Variants in ZNF615 observed in about 807,000 individuals in gnomAD.
The protein encoded by ZNF615 is zinc finger protein 615.
In ZNF615, 15 loss-of-function variants were observed where a neutral mutation model predicts 15.3. That is an observed-to-expected ratio of 0.98 (90% CI 0.66 to 1.51). The LOEUF is 1.51. Among genes scored for constraint, ZNF615 ranks in the 40% most tolerant of loss-of-function variants. ZNF615 has a pLI of 0.00. For missense variants in ZNF615, 848 were observed against 895.9 expected (o/e 0.95, Z 0.68); for synonymous variants, 268 against 294.6 (o/e 0.91, Z 0.92).
At position 51,991,667 on chromosome 19, in the gene ZNF615, A is replaced by T. The variant is rs1157771368; in HGVS notation, c.*1213T>A. Reference sequence around the variant, plus strand: ...TGACTATAAACAAGGAGCATGAGGGAGTTTGCATTGATGCAACATTCTGAA... The same window carrying T: ...TGACTATAAACAAGGAGCATGAGGGTGTTTGCATTGATGCAACATTCTGAA... On this transcript the variant is annotated 3_prime_UTR_variant, in exon 7 of 7. Transcript: ENST00000598071. 6.6e-6 allele frequency: 1 copy of T among 152,250 alleles called. No individual in the cohort carries two copies. Among genetic ancestry groups the T allele is most frequent in the African/African-American group, 2.4e-5 (1 of 41,456 alleles). The allele number at this position is 152,250 out of a possible 1,614,324, so 9.4% of individuals were successfully genotyped here. A position where few individuals can be genotyped will look rare whatever the true frequency, so the allele number is the denominator to read the frequency against.
intron 6 of ZNF615, among the ~76,000 whole-genome samples, chr19:51,996,401 A>AAAAAAAAAAAAAAAAAAAAAAAAAAAG (rs2086435661): frequency 6.7e-6 from 1 of 148,492 alleles, no homozygotes; most frequent in Non-Finnish European, 1.5e-5. Flanking sequence ...AAAAAAAAAA[A>AAAAAAAAAAAAAAAAAAAAAAAAAAAG]AAAAAAACGC....
At chr19:52,001,616 CAAAAA>C (rs200193378) in intron 5 of ZNF615, among the ~76,000 whole-genome samples, 192 bp downstream of exon 5, 1 of 105,370 alleles carries the variant, frequency 9.5e-6, no homozygotes, top group Non-Finnish European at 2.2e-5. Context: ...GACTCCATCT[CAAAAA>C]AAAAAAAAAA....
At chr19:51,996,395 A>AAAAAAAAAAAAACAAAC (rs2086433686) in intron 6 of ZNF615, among the ~76,000 whole-genome samples, 1 of 146,398 alleles carries the variant, frequency 6.8e-6, no homozygotes, top group Non-Finnish European at 1.5e-5. Context: ...CAAAAAAAAA[A>AAAAAAAAAAAAACAAAC]AAAAAAAAAA....
chr19:51,993,279 A>G lies in ZNF615; in HGVS notation c.1830T>C (p.Asn610=). The change falls in exon 7 of 7, where the codon AAT becomes AAC. Residue 610 remains asparagine, a synonymous_variant. Transcript: ENST00000598071. ...TCATGGTGAAGCCCTTTCCACATTC[A>G]TTGCATATATAAGGTTTCTCCCCAG... The part of the protein sequence containing the change: ...THTGEKPYIC[N]ECGKGFTMKS... The G allele has an allele frequency of 6.2e-7, 1 of 1,614,060 alleles. No individual in the cohort carries two copies. Among genetic ancestry groups the G allele is most frequent in the Non-Finnish European group, 8.5e-7 (1 of 1,179,996 alleles).
intron 5 of ZNF615, 60 bp downstream of exon 5, chr19:52,001,753 G>A (rs1044619603): frequency 7.0e-7 from 1 of 1,435,244 alleles, no homozygotes; most frequent in African/African-American, 1.4e-5. Context: ...TTTGACGCCT[G>A]CTCTGTGTGG....
intron 5 of ZNF615, among the ~76,000 whole-genome samples, chr19:52,001,368 T>C (rs899617703): frequency 2.6e-5 from 4 of 151,824 alleles, no homozygotes; most frequent in Admixed American, 6.6e-5. Flanking sequence ...GCCTGTAATC[T>C]CAGCACTTTG....
intron 5 of ZNF615, among the ~76,000 whole-genome samples, chr19:52,001,429 C>T (rs527835030): frequency 6.6e-6 from 1 of 151,990 alleles, no homozygotes; most frequent in South Asian, 2.1e-4. Context: ...ACCATCCTGG[C>T]CAATATGGTG....
chr19:51,993,122 A>C lies in ZNF615; in HGVS notation c.1987T>G (p.Phe663Val), dbSNP rs772255236. ...HQRFHTGKTS[F>V]ACTECGKFSL... Reference sequence around the variant, plus strand: ...AATTTTCCACATTCAGTACATGCAAAGGAAGTCTTTCCTGTGTGAAATCGC... The same window carrying C: ...AATTTTCCACATTCAGTACATGCAACGGAAGTCTTTCCTGTGTGAAATCGC... Residue 663 changes from phenylalanine (F) to valine (V), a missense_variant, in exon 7 of 7, where the codon TTT becomes GTT. Coordinates refer to ENST00000598071, the MANE Select transcript of ZNF615 (RefSeq NM_001199324.2). The C allele has an allele frequency of 6.2e-7, 1 of 1,614,232 alleles. No homozygotes were observed. Among genetic ancestry groups the C allele is most frequent in the Non-Finnish European group, 8.5e-7 (1 of 1,180,034 alleles).
chr19:52,006,403 G>A (rs1355965741), intron 2 of ZNF615, among the ~76,000 whole-genome samples: 1 of 152,158 alleles, frequency 6.6e-6, no homozygotes, highest in Non-Finnish European at 1.5e-5. Context: ...AGCGACACAA[G>A]TTATGCCAAT....
chr19:52,002,390 T>A (rs2086625611), intron 3 of ZNF615, 109 bp from the exon 4 acceptor site: 2 of 1,413,788 alleles, frequency 1.4e-6, no homozygotes, highest in Non-Finnish European at 1.9e-6. Context: ...CTGGTGGGGT[T>A]TTTTTCTTAG....
At position 51,993,642 on chromosome 19, in the gene ZNF615, A is replaced by T. The variant is rs767713103; in HGVS notation, c.1467T>A (p.His489Gln). 1 of 1,614,058 alleles carries T rather than the reference A, an allele frequency of 6.2e-7. No homozygotes were observed. The highest frequency in any genetic ancestry group is 1.7e-5 in the Admixed American group (1 of 60,014). ...TGCATATATATGGCTTCTCTGCAGT[A>T]TGAGTTCGCTGATGTACAATGAGGT... ...KSDLIVHQRTHTAEKPYICND... is the reference protein window; with the variant it reads ...KSDLIVHQRTQTAEKPYICND... The change falls in exon 7 of 7, where the codon CAT becomes CAA. Residue 489 changes from histidine (H) to glutamine (Q), a missense_variant. Coordinates refer to ENST00000598071, the MANE Select transcript of ZNF615 (RefSeq NM_001199324.2).
At position 51,993,616 on chromosome 19, in the gene ZNF615, T is replaced by A; in HGVS notation, c.1493A>T (p.Asn498Ile). 6.2e-7 allele frequency: 1 copy of A among 1,613,832 alleles called. No homozygotes were observed. Among genetic ancestry groups the A allele is most frequent in the Non-Finnish European group, 8.5e-7 (1 of 1,179,926 alleles). The change falls in exon 7 of 7, where the codon AAT becomes ATT. Residue 498 changes from asparagine to isoleucine, a missense_variant. By Grantham distance (149) the Asn-to-Ile change is moderately radical (BLOSUM62 -3). Coordinates refer to ENST00000598071, the MANE Select transcript of ZNF615 (RefSeq NM_001199324.2). ...THTAEKPYIC[N>I]DCGKGFTVKS... ...CACAGTGAAGCCTTTTCCACAATCA[T>A]TGCATATATATGGCTTCTCTGCAGT...
At chr19:52,001,990 C>A in intron 4 of ZNF615, 82 bp from the exon 5 acceptor site, 2 of 1,596,336 alleles carry the variant, frequency 1.3e-6, no homozygotes, top group Non-Finnish European at 1.7e-6. Context: ...ATTTTAAGGA[C>A]TACATAGGTA....
At chr19:52,001,948 C>G (rs773322271) in intron 4 of ZNF615, 40 bp from the exon 5 acceptor site, 2 of 1,608,924 alleles carry the variant, frequency 1.2e-6, no homozygotes, top group Non-Finnish European at 1.7e-6. Context: ...ACAAATCAAA[C>G]GGGGCTGGCA....
At chr19:52,006,818 ATATGT>A (rs1362680609) in intron 2 of ZNF615, among the ~76,000 whole-genome samples, 1 of 152,186 alleles carries the variant, frequency 6.6e-6, no homozygotes, top group Non-Finnish European at 1.5e-5. Context: ...TCACAAAATA[ATATGT>A]TAGGCAGAGA....
At chr19:51,997,064 T>C (rs2086461322) in intron 6 of ZNF615, among the ~76,000 whole-genome samples, 2 of 152,184 alleles carry the variant, frequency 1.3e-5, no homozygotes, top group Admixed American at 1.3e-4. Flanking sequence ...ATGTCTGTAA[T>C]CCCAGCACTT....
chr19:51,998,358 C>A (rs761556138), intron 6 of ZNF615, among the ~76,000 whole-genome samples: 1 of 152,154 alleles, frequency 6.6e-6, no homozygotes, highest in African/African-American at 2.4e-5. Flanking sequence ...CTGGAACACT[C>A]TTCATCCAGG....
In ZNF615 at chr19:52,003,855, C is replaced by T. The variant is rs2086675837; in HGVS notation, c.-144G>A. The T allele has an allele frequency of 2.7e-6, 4 of 1,478,658 alleles. No individual in the cohort carries two copies. Among genetic ancestry groups the T allele is most frequent in the East Asian group, 2.4e-5 (1 of 42,158 alleles). The allele number at this position is 1,478,658 out of a possible 1,614,324, so 91.6% of individuals were successfully genotyped here. Reference sequence around the variant, plus strand: ...GATGACACCCAAGTCTTGGAAACTCCGCCTCCTTCCTTCACTTGATTTCTC... The same window carrying T: ...GATGACACCCAAGTCTTGGAAACTCTGCCTCCTTCCTTCACTTGATTTCTC... On this transcript the variant is annotated 5_prime_UTR_variant, in exon 3 of 7. Transcript: ENST00000598071.
rs1600009038 is a variant in ZNF615, at chr19:52,002,227, A to G, written c.70T>C (p.Phe24Leu). Residue 24 changes from phenylalanine (F) to leucine (L), a missense_variant, in exon 4 of 7, where the codon TTC becomes CTC. Phe to Leu is a conservative substitution (Grantham distance 22). Transcript: ENST00000598071. ...AVDFTWEEWQ[F>L]LSPAQKDLYR... ...AGGTCCTTCTGAGCAGGGCTCAGGA[A>G]CTGCCACTCCTCCCAGGTGAAGTCC... 5 of 1,614,212 alleles carry G rather than the reference A, an allele frequency of 3.1e-6. No homozygotes were observed. In the South Asian group the frequency reaches 3.3e-5, roughly 11 times the overall value.
Sources: allele counts gnomAD v4.1 joint callset (sites outside exome capture counted in the v4.1 genomes callset), GRCh38; gene constraint gnomAD v4.1.1; transcripts MANE v1.5; gene names NCBI Gene and HGNC (gene_info 2026-07-23, HGNC 2026-07-21).